PLA2G4A: variants seen among roughly 807,000 people sequenced by gnomAD.
PLA2G4A encodes the protein cytosolic phospholipase A2.
A neutral mutation model predicts 81.9 loss-of-function variants in PLA2G4A; 40 were observed. The observed-to-expected ratio is 0.49, with a 90% confidence interval of 0.38 to 0.64. The LOEUF (loss-of-function observed/expected upper bound fraction) is 0.64, where lower values mean the gene tolerates loss of function less well. Among genes scored for constraint, PLA2G4A ranks in the 30% least tolerant of loss-of-function variants. The pLI, the probability that PLA2G4A is intolerant of heterozygous loss-of-function variation, is 0.00. For missense variants in PLA2G4A, 715 were observed against 905.1 expected (o/e 0.79, Z 2.69); for synonymous variants, 302 against 296.9 (o/e 1.02, Z -0.18).
chr1:186,909,784 C>G (rs1446240214), intron 6 of PLA2G4A, among the ~76,000 whole-genome samples: 1 of 151,158 alleles, frequency 6.6e-6, no homozygotes, highest in Non-Finnish European at 1.5e-5. Context: ...ACAACCGTTT[C>G]TTTAAATGAT....
At chr1:186,924,659 A>G (rs1238197817) in intron 7 of PLA2G4A, among the ~76,000 whole-genome samples, 2 of 151,878 alleles carry the variant, frequency 1.3e-5, no homozygotes, top group Non-Finnish European at 2.9e-5. Flanking sequence ...GGCAGCCTTG[A>G]CTTCCTGGGT....
At chr1:186,982,535 A>G (rs1015188355) in intron 17 of PLA2G4A, among the ~76,000 whole-genome samples, 4 of 152,236 alleles carry the variant, frequency 2.6e-5, no homozygotes, top group Admixed American at 2.6e-4. Context: ...CAAATGCCTC[A>G]GGTTAACAAC....
intron 12 of PLA2G4A, among the ~76,000 whole-genome samples, chr1:186,947,323 G>A (rs1656380911): frequency 6.6e-6 from 1 of 151,974 alleles, no homozygotes; most frequent in African/African-American, 2.4e-5. Context: ...TAAATACAAT[G>A]TAACACTGAA....
At chr1:186,941,960 C>T (rs560914227) in intron 10 of PLA2G4A, among the ~76,000 whole-genome samples, 2 of 152,264 alleles carry the variant, frequency 1.3e-5, no homozygotes, top group East Asian at 3.9e-4. Flanking sequence ...TAAACAATGG[C>T]AGGCCCTAAT....
chr1:186,924,881 G>C (rs1655494218), intron 7 of PLA2G4A, among the ~76,000 whole-genome samples: 1 of 152,070 alleles, frequency 6.6e-6, no homozygotes, highest in East Asian at 1.9e-4. Context: ...GAAAACCCAT[G>C]TCTGCAAAAA....
intron 8 of PLA2G4A, among the ~76,000 whole-genome samples, chr1:186,937,867 C>T (rs1656010274): frequency 6.6e-6 from 1 of 151,814 alleles, no homozygotes; most frequent in Admixed American, 6.6e-5. Flanking sequence ...ATTTGAAAGC[C>T]ACCGTGAGTC....
intron 2 of PLA2G4A, among the ~76,000 whole-genome samples, chr1:186,867,459 A>G (rs528336463): frequency 1.3e-5 from 2 of 151,930 alleles, no homozygotes; most frequent in African/African-American, 4.8e-5. Context: ...GGGGAGTGCT[A>G]ATATAAGTAG....
intron 15 of PLA2G4A, among the ~76,000 whole-genome samples, chr1:186,969,975 A>C (rs2102283484): frequency 6.6e-6 from 1 of 152,132 alleles, no homozygotes; most frequent in Non-Finnish European, 1.5e-5. Flanking sequence ...TAGTTTTTGT[A>C]GGAACCTCCA....
intron 10 of PLA2G4A, among the ~76,000 whole-genome samples, chr1:186,942,633 A>T (rs1284929416): frequency 2.0e-5 from 3 of 152,132 alleles, no homozygotes; most frequent in African/African-American, 7.2e-5. Context: ...CACGGTGGTT[A>T]TATTTTATTC....
chr1:186,963,147 T>C (rs1657019501), intron 14 of PLA2G4A, among the ~76,000 whole-genome samples: 1 of 152,222 alleles, frequency 6.6e-6, no homozygotes, highest in Non-Finnish European at 1.5e-5. Flanking sequence ...AATGAAGTCA[T>C]CATTAGGATA....
intron 12 of PLA2G4A, among the ~76,000 whole-genome samples, chr1:186,948,698 G>A (rs1051074958): frequency 1.3e-5 from 2 of 152,158 alleles, no homozygotes; most frequent in Admixed American, 6.6e-5. Flanking sequence ...CCAAGGAAAA[G>A]GAGGAGGTTT....
chr1:186,916,359 T>C (rs1217103275), intron 7 of PLA2G4A, among the ~76,000 whole-genome samples: 1 of 152,122 alleles, frequency 6.6e-6, no homozygotes, highest in Non-Finnish European at 1.5e-5. Context: ...CTGGATCCTT[T>C]TCATTTTTTT....
At chr1:186,935,350 G>A (rs957426475) in intron 8 of PLA2G4A, among the ~76,000 whole-genome samples, 6 of 151,028 alleles carry the variant, frequency 4.0e-5, no homozygotes, top group Middle Eastern at 3.2e-3. Context: ...GTTTGGAAAG[G>A]GAAGGAAGGA....
intron 10 of PLA2G4A, among the ~76,000 whole-genome samples, chr1:186,945,408 A>T (rs1397213635): frequency 6.6e-6 from 1 of 152,140 alleles, no homozygotes; most frequent in Non-Finnish European, 1.5e-5. Context: ...CTTTCAGATG[A>T]CACTGGTGTG....
intron 2 of PLA2G4A, among the ~76,000 whole-genome samples, chr1:186,855,035 T>C (rs1218605906): frequency 6.6e-6 from 1 of 152,006 alleles, no homozygotes; most frequent in Non-Finnish European, 1.5e-5. Context: ...GCCTCATTTT[T>C]ACTTGAAATA....
intron 3 of PLA2G4A, among the ~76,000 whole-genome samples, chr1:186,877,264 T>G (rs964130664): frequency 6.6e-6 from 1 of 151,970 alleles, no homozygotes; most frequent in East Asian, 1.9e-4. Context: ...TTGGGAGATA[T>G]TGAGATATAG....
At position 186,959,257 on chromosome 1, in the gene PLA2G4A, T is replaced by A. The variant is rs150088276; in HGVS notation, c.1579+2913T>A. On this transcript the variant is annotated intron_variant, in intron 14 of 17. Coordinates refer to ENST00000367466, the MANE Select transcript of PLA2G4A (RefSeq NM_024420.3). The stretch of plus-strand genomic sequence containing the variant: ...GCGGGTGTTCGCATTTGGAGAATAA[T>A]AGTTGTACACCACCTTGTCGACTCC... Among the ~76,000 whole-genome samples the A allele has an allele frequency of 3.9e-3, 588 of 152,228 alleles. 2 individuals are homozygous for A. The highest frequency in any genetic ancestry group is 0.014 in the African/African-American group (570 of 41,540).
At chr1:186,846,182 A>G (rs1019603989) in intron 1 of PLA2G4A, among the ~76,000 whole-genome samples, 12 of 152,212 alleles carry the variant, frequency 7.9e-5, no homozygotes, top group African/African-American at 2.9e-4. Flanking sequence ...TTAATTTTGC[A>G]GAAACCTAAA....
rs1268304572 is a variant in PLA2G4A at position 186,863,563 on chromosome 1, G to A, written c.34-6872G>A. Among the ~76,000 whole-genome samples the A allele has an allele frequency of 2.0e-5, 3 of 152,040 alleles. No homozygotes were observed. In the East Asian group the frequency reaches 5.8e-4, roughly 29 times the overall value. On this transcript the variant is annotated intron_variant, in intron 2 of 17. Transcript: ENST00000367466. ...TACTATTAACCATAGTCATCCTGCT[G>A]TGCTATAGAACACCAGTACTTATTT... is the stretch of plus-strand genomic sequence containing the variant.
Sources: allele counts gnomAD v4.1 joint callset (sites outside exome capture counted in the v4.1 genomes callset), GRCh38; gene constraint gnomAD v4.1.1; transcripts MANE v1.5; gene names NCBI Gene and HGNC (gene_info 2026-07-23, HGNC 2026-07-21).